Variants in CLDN10 observed in about 807,000 individuals in gnomAD.
CLDN10 encodes the protein claudin 10, also known as claudin-10.
CLDN10 carries 15 observed loss-of-function variants against 22.9 expected under a neutral mutation model. The ratio of observed to expected loss-of-function variants is 0.65; its 90% CI spans 0.44 to 1.01. CLDN10 has a LOEUF of 1.01. Among genes scored for constraint, CLDN10 ranks in the 50% least tolerant of loss-of-function variants. The pLI is 0.00. For missense variants in CLDN10, 247 were observed against 287.8 expected (o/e 0.86, Z 1.03); for synonymous variants, 114 against 111.4 (o/e 1.02, Z -0.15).
At chr13:95,573,529 T>C (rs1161693839) in intron 3 of CLDN10, among the ~76,000 whole-genome samples, 1 of 151,898 alleles carries the variant, frequency 6.6e-6, no homozygotes, top group African/African-American at 2.4e-5. Flanking sequence ...GAAATCAGCT[T>C]CTTAGTGTTA....
upstream of CLDN10, among the ~76,000 whole-genome samples, chr13:95,548,490 T>A (rs188707377): frequency 1.3e-3 from 193 of 152,146 alleles, no homozygotes; most frequent in African/African-American, 4.3e-3. Flanking sequence ...GCAAAAAAAA[T>A]TATAGATATA....
chr13:95,573,956 T>G (rs1192504182), intron 3 of CLDN10, among the ~76,000 whole-genome samples: 1 of 151,034 alleles, frequency 6.6e-6, no homozygotes, highest in African/African-American at 2.4e-5. Flanking sequence ...CACTTGTGAG[T>G]GAGAACATGT....
At chr13:95,441,866 A>T (rs1400329476) in intron 1 of CLDN10, among the ~76,000 whole-genome samples, 1 of 152,216 alleles carries the variant, frequency 6.6e-6, no homozygotes, top group East Asian at 1.9e-4. Context: ...AAGAAGACAC[A>T]TATGGCCAGG....
chr13:95,487,961 A>G (rs1408946366), intron 1 of CLDN10, among the ~76,000 whole-genome samples: 1 of 149,786 alleles, frequency 6.7e-6, no homozygotes, highest in East Asian at 2.0e-4. Flanking sequence ...TACAGGCATG[A>G]GCCACTGAGC....
chr13:95,533,748 C>T (rs1354271808), intron 1 of CLDN10: 1 of 152,292 alleles, frequency 6.6e-6, no homozygotes, highest in Non-Finnish European at 1.5e-5. Context: ...AAGCAAAGGT[C>T]AGGCCTGCGG....
rs1367455801 is a variant in CLDN10 at position 95,552,948 on chromosome 13, C to T, written c.195C>T (p.Asp65=). Residue 65 remains aspartate (D), a synonymous_variant, in exon 1 of 5, where the codon GAC becomes GAT. Coordinates refer to ENST00000299339, the MANE Select transcript of CLDN10 (RefSeq NM_006984.5). ...TDSTGVSNCK[D]FPSMLALDGY... ...CCACGGGCGTCTCCAACTGCAAGGA[C>T]TTCCCCTCCATGCTGGCGCTGGACG... is the stretch of plus-strand genomic sequence containing the variant. 1.9e-6 allele frequency: 3 copies of T among 1,614,056 alleles called. No individual in the cohort carries two copies. Among genetic ancestry groups the T allele is most frequent in the South Asian group, 2.2e-5 (2 of 91,086 alleles).
intron 1 of CLDN10, among the ~76,000 whole-genome samples, chr13:95,499,393 T>C (rs2042960890): frequency 6.6e-6 from 1 of 152,020 alleles, no homozygotes; most frequent in Non-Finnish European, 1.5e-5. Context: ...ATTACAAAAA[T>C]TAGCTAGGCA....
At chr13:95,496,497 G>A (rs1016093745) in intron 1 of CLDN10, among the ~76,000 whole-genome samples, 11 of 152,176 alleles carry the variant, frequency 7.2e-5, no homozygotes, top group East Asian at 1.9e-4. Context: ...CTCAGGCTGC[G>A]ATTACAAAAT....
intron 1 of CLDN10, among the ~76,000 whole-genome samples, chr13:95,443,939 T>C (rs1244292542): frequency 1.3e-5 from 2 of 152,174 alleles, no homozygotes; most frequent in Non-Finnish European, 2.9e-5. Context: ...TAATACAGCA[T>C]AGATGCCAGA....
chr13:95,514,959 T>C (rs1566311144), intron 1 of CLDN10, among the ~76,000 whole-genome samples: 1 of 152,128 alleles, frequency 6.6e-6, no homozygotes, highest in East Asian at 1.9e-4. Flanking sequence ...AGATTTGAGA[T>C]ACACTATGGA....
chr13:95,576,909 G>C (rs548082690), intron 3 of CLDN10, among the ~76,000 whole-genome samples: 1 of 152,328 alleles, frequency 6.6e-6, no homozygotes, highest in South Asian at 2.1e-4. Context: ...CAAATAGATG[G>C]AAAGCTTGGC....
At chr13:95,575,722 C>T (rs2043916076) in intron 3 of CLDN10, among the ~76,000 whole-genome samples, 1 of 152,214 alleles carries the variant, frequency 6.6e-6, no homozygotes. Context: ...GCAGGAGGGG[C>T]TTCCCCCTAG....
chr13:95,510,178 A>G (rs1485136405), intron 1 of CLDN10, among the ~76,000 whole-genome samples: 1 of 152,320 alleles, frequency 6.6e-6, no homozygotes, highest in Non-Finnish European at 1.5e-5. Context: ...CCAGAGGGAC[A>G]CCCTGGAATG....
At chr13:95,574,726 C>T (rs775393623) in intron 3 of CLDN10, among the ~76,000 whole-genome samples, 101 of 152,210 alleles carry the variant, frequency 6.6e-4, no homozygotes, top group Admixed American at 1.0e-3. Context: ...GCTAAGATTG[C>T]ACCACTGCAC....
intron 3 of CLDN10, among the ~76,000 whole-genome samples, chr13:95,572,228 A>G (rs2138681013): frequency 6.6e-6 from 1 of 152,270 alleles, no homozygotes; most frequent in Non-Finnish European, 1.5e-5. Context: ...AGCCAGGGAG[A>G]GAGACAACTC....
intron 1 of CLDN10, among the ~76,000 whole-genome samples, chr13:95,559,766 T>C (rs986111952): frequency 6.6e-6 from 1 of 152,178 alleles, no homozygotes; most frequent in Non-Finnish European, 1.5e-5. Context: ...CACCTTTCAC[T>C]GTGGAATTTC....
At chr13:95,472,772 G>A (rs550276308) in intron 1 of CLDN10, among the ~76,000 whole-genome samples, 185 of 152,120 alleles carry the variant, frequency 1.2e-3, no homozygotes, top group Non-Finnish European at 2.1e-3. Flanking sequence ...TTTTTAATTT[G>A]AGAGTGTGGG....
intron 1 of CLDN10, among the ~76,000 whole-genome samples, chr13:95,452,751 G>A (rs1015882980): frequency 2.6e-5 from 4 of 152,158 alleles, no homozygotes; most frequent in Non-Finnish European, 5.9e-5. Context: ...TTTATAAAAC[G>A]TGCTGAGGGT....
intron 1 of CLDN10, among the ~76,000 whole-genome samples, chr13:95,471,455 T>TA (rs1566287029): frequency 0.012 from 836 of 71,376 alleles, 7 homozygotes; most frequent in East Asian, 0.067. Context: ...ATATATATAT[T>TA]TTTTTTTTTT....
Sources: allele counts gnomAD v4.1 joint callset (sites outside exome capture counted in the v4.1 genomes callset), GRCh38; gene constraint gnomAD v4.1.1; transcripts MANE v1.5; gene names NCBI Gene and HGNC (gene_info 2026-07-23, HGNC 2026-07-21).